The following ABCG1 variants were observed in gnomAD, a reference collection of about 807,000 sequenced individuals.
ABCG1 encodes ATP binding cassette subfamily G member 1.
A neutral mutation model predicts 69.2 loss-of-function variants in ABCG1; 29 were observed. The observed-to-expected ratio is 0.42, with a 90% CI of 0.31 to 0.57. The LOEUF (loss-of-function observed/expected upper bound fraction) is 0.57. ABCG1 is among the 20% of genes least tolerant of loss of function. ABCG1 has a pLI of 0.15. For missense variants in ABCG1, 718 were observed against 898.1 expected, an observed-to-expected ratio of 0.80 and a Z score of 2.56; for synonymous variants, 370 against 374.8, an observed-to-expected ratio of 0.99 and a Z score of 0.15.
intron 2 of ABCG1, among the ~76,000 whole-genome samples, chr21:42,257,405 A>G (rs1200584300): frequency 3.3e-5 from 5 of 152,234 alleles, no homozygotes; most frequent in Non-Finnish European, 7.3e-5. Flanking sequence ...GCCCGGTGCT[A>G]TCATACAGAT....
chr21:42,294,903 A>T (rs2276235), intron 14 of ABCG1: 1 of 494,688 alleles, frequency 2.0e-6, no homozygotes, highest in South Asian at 2.2e-5. Context: ...CCATGGCAGG[A>T]CCAAGTGTTC....
At chr21:42,279,012 A>G (rs2068758617) in intron 5 of ABCG1, among the ~76,000 whole-genome samples, 1 of 151,984 alleles carries the variant, frequency 6.6e-6, no homozygotes, top group Admixed American at 6.6e-5. Context: ...GCTCCTCCCG[A>G]AGCCTGGATG....
intron 13 of ABCG1, among the ~76,000 whole-genome samples, chr21:42,293,304 T>C (rs1231985284): frequency 3.2e-4 from 22 of 69,414 alleles, no homozygotes; most frequent in African/African-American, 4.9e-4. Flanking sequence ...CCACACACAC[T>C]ACACACCACA....
In ABCG1 at chr21:42,291,409, G is replaced by A. The variant is rs541471850; in HGVS notation, c.1495-89G>A. 94 of 1,529,002 alleles carry A rather than the reference G, an allele frequency of 6.1e-5. 1 individual carries two copies. In the South Asian group the frequency reaches 6.7e-4, roughly 11 times the overall value. The allele number at this position is 1,529,002 out of a possible 1,614,324, so 94.7% of individuals were successfully genotyped here. A position where few individuals can be genotyped will look rare whatever the true frequency, so the allele number is the denominator to read the frequency against. On this transcript the variant is annotated intron_variant, in intron 12 of 14. Coordinates refer to ENST00000398449, the MANE Select transcript of ABCG1 (RefSeq NM_016818.3). This position sits in a 1 kb window ranked among gnomAD's most constrained non-coding sequence, Gnocchi z 6.4. ...CTTTGGGAGCTCTGGCGGGAGCTGC[G>A]GGGAAGGGCTGGCTGCCCAGGAGCT...
chr21:42,244,561 C>CT (rs200032096), intron 2 of ABCG1, among the ~76,000 whole-genome samples: 170 of 152,222 alleles, frequency 1.1e-3, no homozygotes, highest in African/African-American at 3.3e-3. Context: ...AATTCCCACT[C>CT]TTTTTTTTGG....
chr21:42,291,011 C>T lies in ABCG1; in HGVS notation c.1394-81C>T. 1 of 1,051,290 alleles carries T rather than the reference C, an allele frequency of 9.5e-7. No homozygotes were observed. The highest frequency in any genetic ancestry group is 1.5e-6 in the Non-Finnish European group (1 of 684,646). The allele number at this position is 1,051,290 out of a possible 1,614,324, so 65.1% of individuals were successfully genotyped here. A position where few individuals can be genotyped will look rare whatever the true frequency, so the allele number is the denominator to read the frequency against. On this transcript the variant is annotated intron_variant, in intron 11 of 14. Transcript: ENST00000398449. The surrounding 1 kb of genome is among the most constrained non-coding windows in gnomAD (Gnocchi z 6.4). Reference sequence around the variant, plus strand: ...CAGAGCTGGGTTACCAGCCGCTCAGCTCAAGATCGCCTGTTGGGATGTTAA... The same window carrying T: ...CAGAGCTGGGTTACCAGCCGCTCAGTTCAAGATCGCCTGTTGGGATGTTAA...
intron 2 of ABCG1, among the ~76,000 whole-genome samples, chr21:42,260,303 C>T (rs992292870): frequency 9.2e-5 from 14 of 152,322 alleles, no homozygotes; most frequent in African/African-American, 3.4e-4. Context: ...GGGGCCAGGG[C>T]TCCTCTCGAG....
Position 42,231,603 on chromosome 21 carries a change from A to G in ABCG1, c.286+5689A>G, listed in dbSNP as rs532325190. Among the ~76,000 whole-genome samples, 5 of 152,380 alleles carry G rather than the reference A, an allele frequency of 3.3e-5. No individual in the cohort carries two copies. The South Asian group carries it at 1.0e-3, about 32-fold the overall frequency. On this transcript the variant is annotated intron_variant, in intron 2 of 14. Transcript: ENST00000398449. ...AAAGTGCATGGAAGGCATCATGAAT[A>G]AATCCTTTCAGGAATTCCATTAAGG...
chr21:42,256,097 T>C lies in ABCG1; in HGVS notation c.287-14973T>C, dbSNP rs945084107. ...GGTGTGCACCCTTTCTTTCCAAGGG[T>C]CTCTGGGTGAGGCCCGTGACCTTCC... On this transcript the variant is annotated intron_variant, in intron 2 of 14. Coordinates refer to ENST00000398449, the MANE Select transcript of ABCG1 (RefSeq NM_016818.3). 3.1e-6 allele frequency: 4 copies of C among 1,284,724 alleles called. No individual in the cohort carries two copies. The African/African-American group carries it at 6.1e-5, about 19-fold the overall frequency. 79.6% of individuals were successfully genotyped at this position (1,284,724 alleles called of 1,614,324 possible).
Position 42,225,827 on chromosome 21 carries a change from T to C in ABCG1, c.199T>C (p.Ser67Pro). 1 of 1,613,866 alleles carries C rather than the reference T, an allele frequency of 6.2e-7. No individual in the cohort carries two copies. The highest frequency in any genetic ancestry group is 8.5e-7 in the Non-Finnish European group (1 of 1,179,968). ...TAACCTCACGGAAGCCCAGCGCTTC[T>C]CCTCCTTGCCTCGGAGGGCAGCTGT... ...DNNLTEAQRFSSLPRRAAVNI... is the reference protein window; with the variant it reads ...DNNLTEAQRFPSLPRRAAVNI... Residue 67 changes from serine to proline, a missense_variant, in exon 2 of 15, where the codon TCC becomes CCC. Ser to Pro is a moderately conservative substitution (Grantham distance 74, BLOSUM62 -1). Transcript: ENST00000398449.
Position 42,226,005 on chromosome 21 carries a change from G to A in ABCG1, c.286+91G>A, listed in dbSNP as rs1444416932. The A allele has an allele frequency of 1.8e-5, 27 of 1,465,100 alleles. No individual in the cohort carries two copies. The South Asian group carries it at 3.5e-4, about 19-fold the overall frequency. The allele number at this position is 1,465,100 out of a possible 1,614,324, so 90.8% of individuals were successfully genotyped here. A position where few individuals can be genotyped will look rare whatever the true frequency, so the allele number is the denominator to read the frequency against. On this transcript the variant is annotated intron_variant, in intron 2 of 14. Transcript: ENST00000398449. The stretch of plus-strand genomic sequence containing the variant: ...TGGGCAAAATCGGGGTCTGGAGGTT[G>A]AGAGGCTGAGCTTCTCTTCCCAACG...
At chr21:42,214,861 C>G (rs532229585), upstream of ABCG1, among the ~76,000 whole-genome samples, 2 of 152,356 alleles carry the variant, frequency 1.3e-5, no homozygotes, top group South Asian at 4.1e-4. Context: ...TGTCATACTT[C>G]ATATTGCCAT....
rs3787982 is a variant in ABCG1, at chr21:42,252,783, C to T, written c.287-18287C>T. Among the ~76,000 whole-genome samples the T allele has an allele frequency of 2.0e-4, 31 of 152,140 alleles. No homozygotes were observed. In the East Asian group the frequency reaches 5.6e-3, roughly 28 times the overall value. ...CCGAGCAACCACCTCTTGGGTTTGG[C>T]GTTTTAAGGTTTCCCCACTTGGATT... On this transcript the variant is annotated intron_variant, in intron 2 of 14. Transcript: ENST00000398449.
chr21:42,238,153 T>C (rs1445777082), intron 2 of ABCG1, among the ~76,000 whole-genome samples: 1 of 152,206 alleles, frequency 6.6e-6, no homozygotes, highest in Non-Finnish European at 1.5e-5. Flanking sequence ...AGTATTAGCT[T>C]GGTATTTATT....
At chr21:42,216,202 A>T (rs2067638157), upstream of ABCG1, 1 of 443,988 alleles carries the variant, frequency 2.3e-6, no homozygotes, top group Non-Finnish European at 4.5e-6. Flanking sequence ...AGTCCGTTAA[A>T]TCTCTTTCCT....
At position 42,254,609 on chromosome 21, in the gene ABCG1, G is replaced by A. The variant is rs144069625; in HGVS notation, c.287-16461G>A. ...GCAAAAAGCAAGAGGATTGATCAGC[G>A]CGTGGCTTTGCCACATGATCACGAA... On this transcript the variant is annotated intron_variant, in intron 2 of 14. Coordinates refer to ENST00000398449, the MANE Select transcript of ABCG1 (RefSeq NM_016818.3). 5.9e-3 allele frequency among the ~76,000 whole-genome samples: 905 copies of A among 152,324 alleles called. 12 individuals are homozygous for A. Among genetic ancestry groups the A allele is most frequent in the African/African-American group, 0.021 (874 of 41,560 alleles).
chr21:42,225,630 C>T, intron 1 of ABCG1, 41 bp from the exon 2 acceptor site: 1 of 1,596,452 alleles, frequency 6.3e-7, no homozygotes. Context: ...TTTCTTGATG[C>T]AGCTTATAAC....
intron 2 of ABCG1, 140 bp downstream of exon 2, chr21:42,226,054 T>C (rs944959779): frequency 1.0e-6 from 1 of 984,574 alleles, no homozygotes; most frequent in Non-Finnish European, 1.5e-6. Flanking sequence ...GGTCAATTTA[T>C]TCTATTGCTT....
Position 42,261,523 on chromosome 21 carries a change from G to A in ABCG1, c.287-9547G>A, listed in dbSNP as rs1158110768. On this transcript the variant is annotated intron_variant, in intron 2 of 14. Coordinates refer to ENST00000398449, the MANE Select transcript of ABCG1 (RefSeq NM_016818.3). ...GGCACAGAATCCACAGGGGCCTGGG[G>A]GAAGCTTGGGCAGCTCCCCACCCCC... 5.3e-5 allele frequency among the ~76,000 whole-genome samples: 8 copies of A among 152,282 alleles called. No individual in the cohort carries two copies. In the East Asian group the frequency reaches 1.5e-3, roughly 29 times the overall value.
Sources: allele counts gnomAD v4.1 joint callset (sites outside exome capture counted in the v4.1 genomes callset), GRCh38; gene constraint gnomAD v4.1.1; non-coding constraint Gnocchi (gnomAD v3.1); transcripts MANE v1.5; gene names NCBI Gene and HGNC (gene_info 2026-07-23, HGNC 2026-07-21).